Variants in ADAMTSL1 observed in about 807,000 individuals in gnomAD.
ADAMTSL1 encodes ADAMTS-like protein 1.
Under a neutral mutation model 201.8 loss-of-function variants are expected in ADAMTSL1, and 126 were observed. The observed-to-expected ratio is 0.62, with a 90% confidence interval of 0.54 to 0.72. The LOEUF (loss-of-function observed/expected upper bound fraction) is 0.72, where lower values mean the gene tolerates loss of function less well. Ranked by LOEUF, ADAMTSL1 falls within the 30% of genes least tolerant of loss-of-function variation. The pLI is 0.00. For missense variants in ADAMTSL1, 2,679 were observed against 2,277.8 expected (o/e 1.18, Z -3.59); for synonymous variants, 1,121 against 903.4 (o/e 1.24, Z -4.32).
At chr9:18,675,124 C>T (rs202108522) in intron 9 of ADAMTSL1, among the ~76,000 whole-genome samples, 1 of 152,304 alleles carries the variant, frequency 6.6e-6, no homozygotes, top group East Asian at 1.9e-4. Context: ...GAGGTACTAA[C>T]AAGCCATGAC....
chr9:18,291,714 CTT>C (rs879441562), intron 2 of ADAMTSL1, among the ~76,000 whole-genome samples: 7,807 of 124,318 alleles, frequency 0.063, 223 homozygotes, highest in Non-Finnish European at 0.077. Context: ...CTCTCTCTCT[CTT>C]TCTCTCTCTC....
chr9:18,532,340 A>G (rs1047947605), intron 2 of ADAMTSL1, among the ~76,000 whole-genome samples: 4 of 152,172 alleles, frequency 2.6e-5, no homozygotes, highest in African/African-American at 9.6e-5. Context: ...CCTTTAGTCT[A>G]GTAATTCTCT....
chr9:18,116,516 A>C (rs1825256939), intron 1 of ADAMTSL1, among the ~76,000 whole-genome samples: 1 of 152,072 alleles, frequency 6.6e-6, no homozygotes, highest in Non-Finnish European at 1.5e-5. Flanking sequence ...ATTGCTTGTA[A>C]TTGTTTCTCT....
intron 1 of ADAMTSL1, among the ~76,000 whole-genome samples, chr9:18,001,384 G>T (rs549468457): frequency 1.3e-5 from 2 of 151,562 alleles, no homozygotes; most frequent in African/African-American, 4.8e-5. Context: ...TTAGATAAGA[G>T]ATTGGAACTG....
intron 2 of ADAMTSL1, among the ~76,000 whole-genome samples, chr9:18,356,979 T>C (rs1378035232): frequency 6.6e-6 from 1 of 152,178 alleles, no homozygotes; most frequent in Non-Finnish European, 1.5e-5. Flanking sequence ...TTCTTAGTAA[T>C]GTGTACATGG....
chr9:18,331,422 C>T (rs1055771763), intron 2 of ADAMTSL1, among the ~76,000 whole-genome samples: 36 of 152,194 alleles, frequency 2.4e-4, no homozygotes, highest in African/African-American at 8.4e-4. Flanking sequence ...CAAATTGTGC[C>T]TCCCTCCTGG....
chr9:18,574,460 A>T, intron 4 of ADAMTSL1, 194 bp downstream of exon 4: 1 of 634,556 alleles, frequency 1.6e-6, no homozygotes, highest in South Asian at 2.1e-5. Context: ...GGAAAAGTAG[A>T]CTAGAGTTAT....
intron 20 of ADAMTSL1, among the ~76,000 whole-genome samples, chr9:18,797,489 G>C (rs1822499429): frequency 6.6e-6 from 1 of 152,134 alleles, no homozygotes; most frequent in Non-Finnish European, 1.5e-5. Context: ...AGGAGTGAAG[G>C]CAAGCGATGG....
rs1343918338 is a variant in ADAMTSL1, at chr9:18,658,803, C to T, written c.946+1053C>T. ...TTCCCTACAGCAAATCATTTAGTTC[C>T]TTTAACTTTTATGCTTTTATAATAC... On this transcript the variant is annotated intron_variant, in intron 8 of 28. Transcript: ENST00000380548. 2.0e-5 allele frequency among the ~76,000 whole-genome samples: 3 copies of T among 152,148 alleles called. No individual in the cohort carries two copies. In the East Asian group the frequency reaches 5.8e-4, roughly 29 times the overall value.
chr9:18,003,917 T>C (rs1413555535), intron 1 of ADAMTSL1, among the ~76,000 whole-genome samples: 1 of 152,050 alleles, frequency 6.6e-6, no homozygotes, highest in Non-Finnish European at 1.5e-5. Flanking sequence ...TTCAAATCGT[T>C]TTCCCACTTC....
At chr9:18,596,750 A>G (rs1824288706) in intron 4 of ADAMTSL1, among the ~76,000 whole-genome samples, 1 of 152,210 alleles carries the variant, frequency 6.6e-6, no homozygotes, top group African/African-American at 2.4e-5. Context: ...AGCATCTACT[A>G]ATGCTAGACA....
At chr9:18,656,803 A>T (rs1464234618) in intron 7 of ADAMTSL1, among the ~76,000 whole-genome samples, 1 of 152,112 alleles carries the variant, frequency 6.6e-6, no homozygotes, top group African/African-American at 2.4e-5. Context: ...CTTGCCCAAC[A>T]GTCTAAATGT....
At chr9:18,217,089 G>A (rs142534128) in intron 2 of ADAMTSL1, among the ~76,000 whole-genome samples, 1,895 of 152,270 alleles carry the variant, frequency 0.012, 65 homozygotes, top group Admixed American at 0.08. Context: ...TAGGGAAGGG[G>A]CATTTAATCT....
intron 23 of ADAMTSL1, among the ~76,000 whole-genome samples, chr9:18,837,409 T>C (rs577105463): frequency 2.8e-4 from 42 of 152,384 alleles, no homozygotes; most frequent in African/African-American, 9.6e-4. Context: ...ATTGTTCTTA[T>C]ATACGTGGGT....
intron 1 of ADAMTSL1, among the ~76,000 whole-genome samples, chr9:17,908,662 TG>T (rs1825816878): frequency 6.6e-6 from 1 of 152,192 alleles, no homozygotes; most frequent in South Asian, 2.1e-4. Flanking sequence ...TTCACCTTGC[TG>T]GCCAGGCTAG....
chr9:18,401,376 G>A (rs941751322), intron 2 of ADAMTSL1, among the ~76,000 whole-genome samples: 17 of 152,256 alleles, frequency 1.1e-4, no homozygotes, highest in African/African-American at 2.6e-4. Context: ...CCAGTTCTAC[G>A]TTCTGACTTC....
At chr9:18,223,223 G>A (rs903812506) in intron 2 of ADAMTSL1, among the ~76,000 whole-genome samples, 1 of 151,920 alleles carries the variant, frequency 6.6e-6, no homozygotes, top group African/African-American at 2.4e-5. Context: ...TTTTGAGCAC[G>A]AACATGATAC....
chr9:17,918,514 T>A (rs1353138683), intron 1 of ADAMTSL1, among the ~76,000 whole-genome samples: 1 of 151,946 alleles, frequency 6.6e-6, no homozygotes, highest in East Asian at 1.9e-4. Context: ...GTCACTTGAA[T>A]CCTTTTTAAT....
At chr9:18,114,628 G>GA (rs1244216315) in intron 1 of ADAMTSL1, among the ~76,000 whole-genome samples, 1 of 151,972 alleles carries the variant, frequency 6.6e-6, no homozygotes, top group Non-Finnish European at 1.5e-5. Context: ...CATATATGAA[G>GA]AAAAAATTGT....
Sources: allele counts gnomAD v4.1 joint callset (sites outside exome capture counted in the v4.1 genomes callset), GRCh38; gene constraint gnomAD v4.1.1; transcripts MANE v1.5; gene names NCBI Gene and HGNC (gene_info 2026-07-23, HGNC 2026-07-21).